TCP11L2: variants seen among roughly 807,000 people sequenced by gnomAD.
TCP11L2 encodes t-complex 11 like 2, also known as T-complex protein 11-like protein 2.
In TCP11L2, 39 loss-of-function variants were observed where a neutral mutation model predicts 50.7. That is an observed-to-expected ratio of 0.77 (90% CI 0.60 to 1.01). TCP11L2 has a LOEUF of 1.01. Ranked by LOEUF, TCP11L2 falls within the 50% of genes least tolerant of loss-of-function variation. The pLI is 0.00. For synonymous variants in TCP11L2, 192 were observed against 219.3 expected, an observed-to-expected ratio of 0.88 and a Z score of 1.10; for missense variants, 612 against 614.7, an observed-to-expected ratio of 1.00 and a Z score of 0.05.
rs1258957862 is a variant in TCP11L2, at chr12:106,314,366, C to G, written c.166C>G (p.Pro56Ala). The change falls in exon 3 of 10, where the codon CCT becomes GCT. Residue 56 changes from proline (P) to alanine (A), a missense_variant. Transcript: ENST00000299045. ...TTTTGTTTTTCTTTCAGCAACAAGC[C>G]CTCCAAGGGTTGTAACATTTGATGA... ...SKSSSPASTS[P>A]PRVVTFDEVM... 1 of 1,596,398 alleles carries G rather than the reference C, an allele frequency of 6.3e-7. No homozygotes were observed. The highest frequency in any genetic ancestry group is 8.6e-7 in the Non-Finnish European group (1 of 1,166,292).
At chr12:106,327,983 G>A (rs966718213) in intron 6 of TCP11L2, among the ~76,000 whole-genome samples, 5 of 152,116 alleles carry the variant, frequency 3.3e-5, no homozygotes, top group Admixed American at 2.6e-4. Context: ...CTGGGTGGGG[G>A]CCATAAGTAA....
chr12:106,311,020 A>G (rs765931833), intron 1 of TCP11L2, 21 bp from the exon 2 acceptor site: 247 of 1,582,880 alleles, frequency 1.6e-4, no homozygotes, highest in Non-Finnish European at 1.8e-4. Flanking sequence ...ACATTGACGC[A>G]GGGTCTGTTT....
rs181774648 is a variant in TCP11L2, at chr12:106,318,555, T to C, written c.414+91T>C. On this transcript the variant is annotated intron_variant, in intron 4 of 9. Transcript: ENST00000299045. ...CATAGCCTGGGTGGCTTATAAACAA[T>C]AGAAATTTACTTCTCACAGTACTGG... The C allele has an allele frequency of 4.1e-5, 62 of 1,514,798 alleles. 1 individual carries two copies. The Admixed American group carries it at 5.2e-4, about 13-fold the overall frequency. The allele number at this position is 1,514,798 out of a possible 1,614,324, so 93.8% of individuals were successfully genotyped here. A position where few individuals can be genotyped will look rare whatever the true frequency, so the allele number is the denominator to read the frequency against.
At chr12:106,322,281 C>T (rs927036530) in intron 5 of TCP11L2, among the ~76,000 whole-genome samples, 1 of 152,172 alleles carries the variant, frequency 6.6e-6, no homozygotes, top group African/African-American at 2.4e-5. Context: ...CAGTCCTCTC[C>T]ATTCAGCTGG....
rs1412707471 is a variant in TCP11L2 at position 106,314,562 on chromosome 12, TGTGTGTGTGTGTGTGAGA to T, written c.293+71_293+88del. The T allele has an allele frequency of 5.2e-6, 5 of 961,984 alleles. No individual in the cohort carries two copies. In the African/African-American group the frequency reaches 8.8e-5, roughly 17 times the overall value. The allele number at this position is 961,984 out of a possible 1,614,324, so 59.6% of individuals were successfully genotyped here. A position where few individuals can be genotyped will look rare whatever the true frequency, so the allele number is the denominator to read the frequency against. On this transcript the variant is annotated intron_variant, in intron 3 of 9. Coordinates refer to ENST00000299045, the MANE Select transcript of TCP11L2 (RefSeq NM_152772.3). ...GTGTGTGTGTGTGTGTGTGTGTGTGTGTGTGTGTGTGTGTGAGAGAGAGAGAGAGAGAGAGAGAGACAG... is the reference window on the plus strand; with the variant it reads ...GTGTGTGTGTGTGTGTGTGTGTGTGTGAGAGAGAGAGAGAGAGAGAGACAG...
rs749303317 is a variant in TCP11L2 at position 106,323,646 on chromosome 12, A to G, written c.772A>G (p.Ser258Gly). The change falls in exon 6 of 10, where the codon AGT becomes GGT. Residue 258 changes from serine to glycine, a missense_variant and splice_region_variant. Transcript: ENST00000299045. ...CCAGGAAATTTTGGAAGAAACTCCA[A>G]GTGAGTATAATATAATGTGTATTTA... Reference protein sequence around the residue: ...KFQEILEETPSALDQTTEWIK... With the variant: ...KFQEILEETPGALDQTTEWIK... The G allele has an allele frequency of 1.3e-6, 2 of 1,592,798 alleles. No homozygotes were observed. The highest frequency in any genetic ancestry group is 2.3e-5 in the South Asian group (2 of 88,084).
At chr12:106,314,516 A>G in intron 3 of TCP11L2, 23 bp downstream of exon 3, 1 of 1,595,582 alleles carries the variant, frequency 6.3e-7, no homozygotes, top group Non-Finnish European at 8.6e-7. Flanking sequence ...CATTTGTTGT[A>G]TATAAACTGC....
chr12:106,301,524 G>C (rs546475675), upstream of TCP11L2, among the ~76,000 whole-genome samples: 1 of 152,216 alleles, frequency 6.6e-6, no homozygotes, highest in African/African-American at 2.4e-5. Flanking sequence ...TGTAACCACT[G>C]AACAACTGAC....
At chr12:106,311,754 G>A (rs2034862070) in intron 2 of TCP11L2, among the ~76,000 whole-genome samples, 1 of 152,046 alleles carries the variant, frequency 6.6e-6, no homozygotes, top group African/African-American at 2.4e-5. Context: ...TTAAAAGAGA[G>A]GCCACAGCAA....
chr12:106,315,596 C>G (rs1290195644), intron 3 of TCP11L2, among the ~76,000 whole-genome samples: 2 of 152,194 alleles, frequency 1.3e-5, no homozygotes, highest in African/African-American at 4.8e-5. Flanking sequence ...AACTGATACT[C>G]AGGTTCTGAA....
intron 6 of TCP11L2, chr12:106,329,851 A>G: frequency 3.0e-6 from 3 of 985,922 alleles, no homozygotes; most frequent in Non-Finnish European, 3.6e-6. Context: ...TCTTTATAAA[A>G]CAGAACTAGC....
intron 2 of TCP11L2, chr12:106,312,462 A>T: frequency 8.6e-7 from 1 of 1,157,942 alleles, no homozygotes; most frequent in Non-Finnish European, 1.1e-6. Context: ...CACTCTTTAT[A>T]CTGTATGTGG....
intron 2 of TCP11L2, among the ~76,000 whole-genome samples, chr12:106,313,988 G>C (rs568030339): frequency 6.6e-6 from 1 of 152,126 alleles, no homozygotes; most frequent in South Asian, 2.1e-4. Flanking sequence ...GGATGGTCTT[G>C]ATCTCCTGAC....
chr12:106,338,327 T>G (rs1274821541), intron 8 of TCP11L2, among the ~76,000 whole-genome samples: 3 of 152,206 alleles, frequency 2.0e-5, no homozygotes, highest in East Asian at 1.9e-4. Context: ...ACCTCCACCT[T>G]TAAGTGTAGG....
upstream of TCP11L2, among the ~76,000 whole-genome samples, chr12:106,299,607 A>G (rs898927974): frequency 5.3e-5 from 8 of 152,212 alleles, no homozygotes; most frequent in South Asian, 2.1e-4. Context: ...ACATGAAGCC[A>G]GCCGTGGGAA....
At chr12:106,342,597 G>A (rs1401869294) in intron 9 of TCP11L2, among the ~76,000 whole-genome samples, 1 of 152,206 alleles carries the variant, frequency 6.6e-6, no homozygotes, top group Non-Finnish European at 1.5e-5. Context: ...TGAGGACAGC[G>A]TGCAGGTTTG....
chr12:106,346,688 CACATCACATAGACCCTCAGAAGACGTAA>C lies in TCP11L2; in HGVS notation c.*175_*202del, dbSNP rs1399830237. On this transcript the variant is annotated 3_prime_UTR_variant, in exon 10 of 10. Coordinates refer to ENST00000299045, the MANE Select transcript of TCP11L2 (RefSeq NM_152772.3). ...TAATATTAGCATTACAGAAGACACA[CACATCACATAGACCCTCAGAAGACGTAA>C]ACATCACATAGACCCTATTTGTGCA... The C allele has an allele frequency of 2.4e-6, 2 of 826,162 alleles. No homozygotes were observed. The highest frequency in any genetic ancestry group is 2.2e-5 in the South Asian group (1 of 45,278). 51.2% of individuals were successfully genotyped at this position (826,162 alleles called of 1,614,324 possible).
At chr12:106,320,541 T>G (rs530718641) in intron 4 of TCP11L2, among the ~76,000 whole-genome samples, 1 of 152,182 alleles carries the variant, frequency 6.6e-6, no homozygotes, top group Non-Finnish European at 1.5e-5. Flanking sequence ...GATGTGCATG[T>G]TAAGTTCATT....
chr12:106,309,332 T>C (rs1446277373), intron 1 of TCP11L2, among the ~76,000 whole-genome samples: 1 of 152,160 alleles, frequency 6.6e-6, no homozygotes, highest in Non-Finnish European at 1.5e-5. Context: ...AAGAATCTTA[T>C]AGCCAGTGTT....
Sources: gnomAD v4.1 joint callset for allele counts (sites outside exome capture counted in the v4.1 genomes callset) on GRCh38, gnomAD v4.1.1 for gene constraint, MANE v1.5 for transcripts, NCBI Gene and HGNC (gene_info 2026-07-23, HGNC 2026-07-21) for gene names.